The following PPARGC1B variants were observed in gnomAD, a reference collection of about 807,000 sequenced individuals.
The protein encoded by PPARGC1B is PPARG coactivator 1 beta, also known as peroxisome proliferator-activated receptor gamma coactivator 1-beta.
Under a neutral mutation model 101.6 loss-of-function variants are expected in PPARGC1B, and 34 were observed. The observed-to-expected ratio is 0.33, with a 90% CI of 0.25 to 0.45. PPARGC1B has a LOEUF of 0.45. Ranked by LOEUF, PPARGC1B falls within the 20% of genes least tolerant of loss-of-function variation. The probability of loss-of-function intolerance (pLI) is 1.00; values close to 1 mark genes in which losing one functional copy is unlikely to be tolerated. For missense variants in PPARGC1B, 1,234 were observed against 1,317.6 expected (o/e 0.94, Z 0.98); for synonymous variants, 548 against 539.3 (o/e 1.02, Z -0.22).
At chr5:149,839,917 T>G (rs1759264986) in intron 8 of PPARGC1B, 124 bp from the exon 9 acceptor site, 41 of 963,594 alleles carry the variant, frequency 4.3e-5, no homozygotes, top group Non-Finnish European at 6.5e-5. Context: ...GGGAGGCAGT[T>G]CCAGCTGTGT....
rs541454994 is a variant in PPARGC1B at position 149,756,868 on chromosome 5, AT to A, written c.78+26449del. 8.7e-3 allele frequency among the ~76,000 whole-genome samples: 1,320 copies of A among 152,230 alleles called. 23 individuals carry two copies. The highest frequency in any genetic ancestry group is 0.028 in the African/African-American group (1,165 of 41,538). On this transcript the variant is annotated intron_variant, in intron 1 of 11. Coordinates refer to ENST00000309241, the MANE Select transcript of PPARGC1B (RefSeq NM_133263.4). ...GTGTCTTGTTCACTGTCCACCTGAG[AT>A]GGGATCTGGTTCTGGACCCCTAGGA...
At position 149,775,494 on chromosome 5, in the gene PPARGC1B, C is replaced by T. The variant is rs115124506; in HGVS notation, c.79-44939C>T. On this transcript the variant is annotated intron_variant, in intron 1 of 11. Transcript: ENST00000309241. Reference sequence around the variant, plus strand: ...CTGAGATGGTGCAGGAGCTGAGATGCGCCTTTCAGCACCCATGGCAGACAG... The same window carrying T: ...CTGAGATGGTGCAGGAGCTGAGATGTGCCTTTCAGCACCCATGGCAGACAG... 3.8e-3 allele frequency among the ~76,000 whole-genome samples: 578 copies of T among 152,220 alleles called. 5 individuals are homozygous for T. The highest frequency in any genetic ancestry group is 0.013 in the African/African-American group (534 of 41,540).
Position 149,847,962 on chromosome 5 carries a change from G to T in PPARGC1B, c.*404G>T. Reference sequence around the variant, plus strand: ...AAATTGTTACTTGTGAATAGAATCAGGACTATAAACTTCATTTTTAATTGA... The same window carrying T: ...AAATTGTTACTTGTGAATAGAATCATGACTATAAACTTCATTTTTAATTGA... On this transcript the variant is annotated 3_prime_UTR_variant, in exon 12 of 12. Coordinates refer to ENST00000309241, the MANE Select transcript of PPARGC1B (RefSeq NM_133263.4). 5.1e-6 allele frequency: 1 copy of T among 194,470 alleles called. No individual in the cohort carries two copies. The highest frequency in any genetic ancestry group is 1.1e-5 in the Non-Finnish European group (1 of 93,976). The allele number at this position is 194,470 out of a possible 1,614,324, so 12.0% of individuals were successfully genotyped here.
intron 7 of PPARGC1B, among the ~76,000 whole-genome samples, chr5:149,835,958 C>CTTTT (rs1202446844): frequency 7.8e-6 from 1 of 128,052 alleles, no homozygotes; most frequent in Non-Finnish European, 1.7e-5. Flanking sequence ...TTTTTTTTTT[C>CTTTT]TTTTTTTTTT....
At chr5:149,787,431 T>C (rs1282201415) in intron 1 of PPARGC1B, among the ~76,000 whole-genome samples, 1 of 152,208 alleles carries the variant, frequency 6.6e-6, no homozygotes, top group African/African-American at 2.4e-5. Flanking sequence ...CTCTCCACTT[T>C]TATATTAAAC....
chr5:149,758,522 C>G (rs1242058288), intron 1 of PPARGC1B, among the ~76,000 whole-genome samples: 10 of 152,180 alleles, frequency 6.6e-5, no homozygotes, highest in Admixed American at 5.9e-4. Flanking sequence ...TTGAGACATA[C>G]CTCAGTGAAC....
At chr5:149,741,649 A>G (rs1754912239) in intron 1 of PPARGC1B, among the ~76,000 whole-genome samples, 1 of 146,646 alleles carries the variant, frequency 6.8e-6, no homozygotes. Flanking sequence ...TTTTCGTGAG[A>G]CAGAGTCTTA....
chr5:149,783,144 G>T (rs1369091990), intron 1 of PPARGC1B, among the ~76,000 whole-genome samples: 1 of 152,000 alleles, frequency 6.6e-6, no homozygotes, highest in East Asian at 1.9e-4. Flanking sequence ...TCACCCCTGG[G>T]CCACATTTGT....
At position 149,794,977 on chromosome 5, in the gene PPARGC1B, G is replaced by A. The variant is rs115138761; in HGVS notation, c.79-25456G>A. On this transcript the variant is annotated intron_variant, in intron 1 of 11. Coordinates refer to ENST00000309241, the MANE Select transcript of PPARGC1B (RefSeq NM_133263.4). Reference sequence around the variant, plus strand: ...AGTGCCACCCTGCCTTGGGTCCAAGGCCATGGGGACACACGAGACATCTTG... The same window carrying A: ...AGTGCCACCCTGCCTTGGGTCCAAGACCATGGGGACACACGAGACATCTTG... 3.1e-3 allele frequency among the ~76,000 whole-genome samples: 472 copies of A among 152,320 alleles called. 2 individuals are homozygous for A. Among genetic ancestry groups the A allele is most frequent in the African/African-American group, 0.011 (437 of 41,566 alleles).
chr5:149,818,687 C>T (rs1027221089), intron 1 of PPARGC1B, among the ~76,000 whole-genome samples: 1 of 152,190 alleles, frequency 6.6e-6, no homozygotes, highest in Admixed American at 6.5e-5. Flanking sequence ...ACATATGCCT[C>T]TTTTTGTTCT....
rs532945316 is a variant in PPARGC1B at position 149,737,308 on chromosome 5, CT to C, written c.78+6892del. On this transcript the variant is annotated intron_variant, in intron 1 of 11. Transcript: ENST00000309241. ...CCTGATTTCCGAAGGCCTTCGGGTA[CT>C]TTTAAGTTGGAGAGTTAGGCCCTTG... Among the ~76,000 whole-genome samples, 4 of 152,268 alleles carry C rather than the reference CT, an allele frequency of 2.6e-5. No individual in the cohort carries two copies. In the South Asian group the frequency reaches 6.2e-4, roughly 24 times the overall value.
At position 149,832,145 on chromosome 5, in the gene PPARGC1B, A is replaced by C. The variant is rs1561605981; in HGVS notation, c.583-511A>C. On this transcript the variant is annotated intron_variant, in intron 4 of 11. Transcript: ENST00000309241. This position sits in a 1 kb window ranked among gnomAD's most constrained non-coding sequence, Gnocchi z 4.9. ...AACGTGGTGAAACCTTGTCTCTACT[A>C]AAAAATACAAAAAATTAGCCGGGTG... Among the ~76,000 whole-genome samples the C allele has an allele frequency of 1.3e-5, 2 of 152,018 alleles. No homozygotes were observed. Among genetic ancestry groups the C allele is most frequent in the African/African-American group, 2.4e-5 (1 of 41,382 alleles).
At chr5:149,780,277 T>C (rs1264629697) in intron 1 of PPARGC1B, among the ~76,000 whole-genome samples, 1 of 152,244 alleles carries the variant, frequency 6.6e-6, no homozygotes. Context: ...GTTCAGATTC[T>C]CATCCTTACT....
At chr5:149,855,234 G>A (rs750605829), downstream of PPARGC1B, among the ~76,000 whole-genome samples, 1 of 152,180 alleles carries the variant, frequency 6.6e-6, no homozygotes, top group Non-Finnish European at 1.5e-5. Context: ...AGGGGCTGAG[G>A]TGGGGGATCA....
At chr5:149,811,500 G>C (rs1274225954) in intron 1 of PPARGC1B, among the ~76,000 whole-genome samples, 1 of 152,172 alleles carries the variant, frequency 6.6e-6, no homozygotes, top group Non-Finnish European at 1.5e-5. Context: ...ACACTATCGA[G>C]TGGGTTTGGG....
chr5:149,820,635 C>T, intron 2 of PPARGC1B, 29 bp downstream of exon 2: 2 of 1,587,512 alleles, frequency 1.3e-6, no homozygotes, highest in Non-Finnish European at 1.7e-6. Flanking sequence ...CCCCTCCTCC[C>T]ACCCTGCCAG....
At chr5:149,845,593 C>A in intron 10 of PPARGC1B, 167 bp from the exon 11 acceptor site, 1 of 658,902 alleles carries the variant, frequency 1.5e-6, no homozygotes, top group Non-Finnish European at 2.6e-6. Flanking sequence ...TTCATTATTA[C>A]CACATTGCAG....
intron 1 of PPARGC1B, among the ~76,000 whole-genome samples, chr5:149,760,196 A>T (rs934952041): frequency 1.3e-5 from 2 of 152,178 alleles, no homozygotes; most frequent in African/African-American, 4.8e-5. Flanking sequence ...GGGCCAGCAG[A>T]CAGCAAACTG....
chr5:149,826,036 T>C (rs1425257864), intron 2 of PPARGC1B, among the ~76,000 whole-genome samples: 1 of 152,190 alleles, frequency 6.6e-6, no homozygotes, highest in African/African-American at 2.4e-5. Flanking sequence ...ACTTGATAGA[T>C]GAGAAAGCTA....
Sources: gnomAD v4.1 joint callset for allele counts (sites outside exome capture counted in the v4.1 genomes callset) on GRCh38, gnomAD v4.1.1 for gene constraint, Gnocchi (gnomAD v3.1) non-coding constraint, MANE v1.5 for transcripts, NCBI Gene and HGNC (gene_info 2026-07-23, HGNC 2026-07-21) for gene names.